The following GHR variants were observed in gnomAD, a reference collection of about 807,000 sequenced individuals.
The protein encoded by GHR is GH receptor.
Under a neutral mutation model 67.1 loss-of-function variants are expected in GHR, and 35 were observed. That is an observed-to-expected ratio of 0.52 (90% CI 0.40 to 0.69). The LOEUF (loss-of-function observed/expected upper bound fraction) is 0.69. GHR is among the 30% of genes least tolerant of loss of function. GHR has a pLI of 0.00. For synonymous variants in GHR, 272 were observed against 269.1 expected (o/e 1.01, Z -0.10); for missense variants, 792 against 764.6 (o/e 1.04, Z -0.42).
intron 3 of GHR, among the ~76,000 whole-genome samples, chr5:42,634,869 T>C (rs1754100188): frequency 6.6e-6 from 1 of 152,162 alleles, no homozygotes; most frequent in African/African-American, 2.4e-5. Context: ...CTGCTTTCAT[T>C]CTTTTTTATC....
At chr5:42,712,949 C>G (rs550631099) in intron 7 of GHR, among the ~76,000 whole-genome samples, 1 of 151,564 alleles carries the variant, frequency 6.6e-6, no homozygotes, top group African/African-American at 2.4e-5. Flanking sequence ...AAGTTTCTGT[C>G]ATGATTTATC....
intron 1 of GHR, among the ~76,000 whole-genome samples, chr5:42,516,604 AAG>A (rs1337432857): frequency 6.6e-6 from 1 of 152,240 alleles, no homozygotes; most frequent in Non-Finnish European, 1.5e-5. Context: ...CAATAGAGGA[AAG>A]AGGACAAGGA....
At chr5:42,523,163 A>G (rs1747549865) in intron 1 of GHR, among the ~76,000 whole-genome samples, 1 of 152,238 alleles carries the variant, frequency 6.6e-6, no homozygotes, top group Admixed American at 6.5e-5. Context: ...GAATAATTCA[A>G]CTGAGTTTCA....
chr5:42,709,092 G>A (rs1758324679), intron 6 of GHR, among the ~76,000 whole-genome samples: 1 of 152,090 alleles, frequency 6.6e-6, no homozygotes, highest in African/African-American at 2.4e-5. Context: ...GCTTGCATCA[G>A]GAATTCATGT....
chr5:42,438,326 G>T (rs1743422465), intron 1 of GHR, among the ~76,000 whole-genome samples: 1 of 152,196 alleles, frequency 6.6e-6, no homozygotes, highest in Admixed American at 6.5e-5. Flanking sequence ...AATTGCAAAT[G>T]TGTCCAACTC....
intron 3 of GHR, among the ~76,000 whole-genome samples, chr5:42,641,951 G>T (rs992543611): frequency 6.6e-5 from 10 of 152,070 alleles, no homozygotes; most frequent in African/African-American, 2.4e-4. Context: ...GATATGCCTG[G>T]CTCCTCTTGG....
In GHR at chr5:42,719,160, G is replaced by T; in HGVS notation, c.1653G>T (p.Lys551Asn). The T allele has an allele frequency of 1.9e-6, 3 of 1,614,122 alleles. No individual in the cohort carries two copies. Among genetic ancestry groups the T allele is most frequent in the Non-Finnish European group, 2.5e-6 (3 of 1,180,016 alleles). The part of the protein sequence containing the change: ...KKCIPVAPHI[K>N]VESHIQPSLN... ...GCATCCCTGTGGCTCCTCACATCAAGGTTGAATCACACATACAGCCAAGCT... is the reference window on the plus strand; with the variant it reads ...GCATCCCTGTGGCTCCTCACATCAATGTTGAATCACACATACAGCCAAGCT... The change falls in exon 10 of 10, where the codon AAG (lysine) becomes AAT (asparagine). Residue 551 changes from lysine (K) to asparagine (N), a missense_variant. Transcript: ENST00000230882.
At chr5:42,705,602 G>A (rs1191677916) in intron 6 of GHR, among the ~76,000 whole-genome samples, 7 of 151,878 alleles carry the variant, frequency 4.6e-5, no homozygotes, top group African/African-American at 9.7e-5. Flanking sequence ...TTCAGTCTTC[G>A]TGTCCATGTG....
At chr5:42,470,438 G>A (rs1202239140) in intron 1 of GHR, among the ~76,000 whole-genome samples, 4 of 152,036 alleles carry the variant, frequency 2.6e-5, no homozygotes, top group East Asian at 1.9e-4. Context: ...GTGAGAATCC[G>A]AATTCATATT....
At chr5:42,685,147 T>C (rs1757077219) in intron 3 of GHR, among the ~76,000 whole-genome samples, 1 of 152,076 alleles carries the variant, frequency 6.6e-6, no homozygotes, top group Non-Finnish European at 1.5e-5. Flanking sequence ...CCTGTGTATG[T>C]GTGTTCTCAT....
At chr5:42,525,718 G>A (rs1747678247) in intron 1 of GHR, among the ~76,000 whole-genome samples, 1 of 152,168 alleles carries the variant, frequency 6.6e-6, no homozygotes, top group Non-Finnish European at 1.5e-5. Context: ...TTGTGGGAGG[G>A]ACCCAGGGGG....
At chr5:42,636,293 C>T (rs554275652) in intron 3 of GHR, among the ~76,000 whole-genome samples, 1 of 151,824 alleles carries the variant, frequency 6.6e-6, no homozygotes, top group Non-Finnish European at 1.5e-5. Flanking sequence ...CCTATGTACA[C>T]TCTATATACT....
At chr5:42,434,001 G>T (rs1743215170) in intron 1 of GHR, among the ~76,000 whole-genome samples, 2 of 152,118 alleles carry the variant, frequency 1.3e-5, no homozygotes, top group Non-Finnish European at 2.9e-5. Context: ...AGTGGTGGCT[G>T]CTGTGTGGTA....
chr5:42,462,032 G>T lies in GHR; in HGVS notation c.-12+38077G>T, dbSNP rs1043995405. On this transcript the variant is annotated intron_variant, in intron 1 of 9. Transcript: ENST00000230882. ...TCCTGTCAGAAACATGGTACCCAGAGGCCAAAGCTGCTGCATAAGCAAGTT... is the reference window on the plus strand; with the variant it reads ...TCCTGTCAGAAACATGGTACCCAGATGCCAAAGCTGCTGCATAAGCAAGTT... Among the ~76,000 whole-genome samples, 3 of 152,192 alleles carry T rather than the reference G, an allele frequency of 2.0e-5. No homozygotes were observed. The East Asian group carries it at 5.8e-4, about 29-fold the overall frequency.
chr5:42,626,831 G>T (rs547480834), intron 2 of GHR, among the ~76,000 whole-genome samples: 1 of 152,114 alleles, frequency 6.6e-6, no homozygotes, highest in Non-Finnish European at 1.5e-5. Flanking sequence ...TTTACTGTGG[G>T]CCTGAGCCAT....
chr5:42,712,242 A>G (rs1758497845), intron 7 of GHR, among the ~76,000 whole-genome samples: 1 of 152,062 alleles, frequency 6.6e-6, no homozygotes, highest in African/African-American at 2.4e-5. Flanking sequence ...ATTAGGATGA[A>G]AATTTCTATA....
At chr5:42,514,860 C>G (rs1747172532) in intron 1 of GHR, 1 of 152,192 alleles carries the variant, frequency 6.6e-6, no homozygotes, top group African/African-American at 2.4e-5. Flanking sequence ...CTGCATTTCC[C>G]TGGCAGTTTT....
intron 1 of GHR, among the ~76,000 whole-genome samples, chr5:42,460,190 GTGTC>G (rs1744430062): frequency 6.6e-6 from 1 of 152,186 alleles, no homozygotes; most frequent in Non-Finnish European, 1.5e-5. Context: ...AGGAACTTAA[GTGTC>G]TGGCACCTTG....
intron 5 of GHR, among the ~76,000 whole-genome samples, chr5:42,696,993 C>G (rs999520147): frequency 6.6e-6 from 1 of 152,020 alleles, no homozygotes; most frequent in African/African-American, 2.4e-5. Flanking sequence ...CAATGTGAAA[C>G]GTAGATTGGA....
Sources: allele counts gnomAD v4.1 joint callset (sites outside exome capture counted in the v4.1 genomes callset), GRCh38; gene constraint gnomAD v4.1.1; transcripts MANE v1.5; gene names NCBI Gene and HGNC (gene_info 2026-07-23, HGNC 2026-07-21).